Variants in PANK2 observed in about 807,000 individuals in gnomAD.
PANK2 encodes pantothenate kinase 2, mitochondrial.
In PANK2, 36 loss-of-function variants were observed where a neutral mutation model predicts 43.1. The observed-to-expected ratio is 0.84, with a 90% CI of 0.64 to 1.10. PANK2 has a LOEUF of 1.10. Among genes scored for constraint, PANK2 ranks in the 50% least tolerant of loss-of-function variants. The pLI is 0.00. For synonymous variants in PANK2, 281 were observed against 238.2 expected, an observed-to-expected ratio of 1.18 and a Z score of -1.66; for missense variants, 576 against 593.3, an observed-to-expected ratio of 0.97 and a Z score of 0.30.
chr20:3,910,499 T>G, intron 2 of PANK2, 78 bp from the exon 3 acceptor site: 3 of 1,501,408 alleles, frequency 2.0e-6, no homozygotes, highest in South Asian at 2.3e-5. Context: ...TTTCACGTAG[T>G]GGGGATGCCT....
intron 2 of PANK2, among the ~76,000 whole-genome samples, chr20:3,909,183 C>T (rs895659959): frequency 6.6e-6 from 1 of 152,174 alleles, no homozygotes; most frequent in Non-Finnish European, 1.5e-5. Context: ...CGGGTTCAAG[C>T]GATTCTCCTG....
chr20:3,902,893 C>T (rs1255434713), intron 1 of PANK2, among the ~76,000 whole-genome samples: 1 of 151,440 alleles, frequency 6.6e-6, no homozygotes, highest in Non-Finnish European at 1.5e-5. Context: ...ATAACAGCGT[C>T]TTTAATGTTG....
Position 3,894,143 on chromosome 20 carries a change from C to G in PANK2, c.298+4415C>G, listed in dbSNP as rs964044463. 3.3e-5 allele frequency among the ~76,000 whole-genome samples: 5 copies of G among 152,026 alleles called. 1 individual carries two copies. ...ATGGGATTTCACCATGTTGGTCAGG[C>G]TGGTCTTGAGCTCCTGACCTCAGGT... On this transcript the variant is annotated intron_variant, in intron 1 of 6. Coordinates refer to ENST00000610179, the MANE Select transcript of PANK2 (RefSeq NM_001386393.1).
chr20:3,895,282 T>TAAAC (rs780863966), intron 1 of PANK2, among the ~76,000 whole-genome samples: 1 of 148,068 alleles, frequency 6.8e-6, no homozygotes, highest in East Asian at 2.0e-4. Context: ...TCAAATAAAA[T>TAAAC]AAATAAATAA....
chr20:3,906,101 A>G (rs1461001842), intron 1 of PANK2, among the ~76,000 whole-genome samples: 1 of 152,114 alleles, frequency 6.6e-6, no homozygotes, highest in African/African-American at 2.4e-5. Flanking sequence ...TGTTTATGCT[A>G]CATTCCATAA....
chr20:3,903,219 A>G (rs910795907), intron 1 of PANK2, among the ~76,000 whole-genome samples: 4 of 149,776 alleles, frequency 2.7e-5, no homozygotes, highest in East Asian at 3.9e-4. Context: ...ATCTTGGCTC[A>G]TTGAAATTTA....
At chr20:3,892,341 A>C (rs1182918835) in intron 1 of PANK2, among the ~76,000 whole-genome samples, 3 of 11,702 alleles carry the variant, frequency 2.6e-4, no homozygotes, top group Non-Finnish European at 6.2e-4. Context: ...GAGACTCCTC[A>C]AAAAAAAAAC....
chr20:3,902,179 T>A (rs919158797), intron 1 of PANK2, among the ~76,000 whole-genome samples: 27 of 150,738 alleles, frequency 1.8e-4, no homozygotes, highest in Non-Finnish European at 3.1e-4. Flanking sequence ...TTTTTTTTTT[T>A]AGTTAGAGAC....
chr20:3,922,519 T>G (rs924476956), intron 6 of PANK2, among the ~76,000 whole-genome samples: 4 of 152,198 alleles, frequency 2.6e-5, no homozygotes, highest in Non-Finnish European at 5.9e-5. Context: ...TCACGTTACC[T>G]TTGGGTGGTG....
chr20:3,923,131 A>G, intron 6 of PANK2, 113 bp from the exon 7 acceptor site: 5 of 1,246,000 alleles, frequency 4.0e-6, no homozygotes, highest in Non-Finnish European at 5.9e-6. Flanking sequence ...GTGCTCAGGA[A>G]ATGGGTATGC....
intron 4 of PANK2, among the ~76,000 whole-genome samples, chr20:3,913,935 C>A (rs974093213): frequency 2.0e-5 from 3 of 150,790 alleles, no homozygotes; most frequent in Admixed American, 6.6e-5. Flanking sequence ...ACTACAGGTG[C>A]CTGCCACCAC....
At chr20:3,896,720 G>A in intron 1 of PANK2, among the ~76,000 whole-genome samples, 1 of 152,198 alleles carries the variant, frequency 6.6e-6, no homozygotes, top group South Asian at 2.1e-4. Flanking sequence ...AGAGCTTCTG[G>A]ATGGCCAAAC....
At chr20:3,892,949 G>A (rs775966525) in intron 1 of PANK2, among the ~76,000 whole-genome samples, 1 of 152,052 alleles carries the variant, frequency 6.6e-6, no homozygotes, top group Admixed American at 6.6e-5. Context: ...GGTGGGGAGG[G>A]GGGTATGTCT....
chr20:3,893,053 G>A (rs2090149605), intron 1 of PANK2, among the ~76,000 whole-genome samples: 1 of 152,124 alleles, frequency 6.6e-6, no homozygotes, highest in African/African-American at 2.4e-5. Context: ...TTTTCTGAGT[G>A]CTTATTTGTC....
chr20:3,910,295 G>T (rs1200491816), intron 2 of PANK2, among the ~76,000 whole-genome samples: 11 of 143,936 alleles, frequency 7.6e-5, no homozygotes, highest in South Asian at 4.4e-4. Flanking sequence ...AAATGCTGTG[G>T]TTTTTTTTTT....
upstream of PANK2, chr20:3,889,039 G>C (rs1163296251): frequency 4.3e-6 from 6 of 1,391,692 alleles, no homozygotes; most frequent in African/African-American, 1.4e-5. Context: ...GTCGCCCCAG[G>C]AGAGTTCCGC....
rs2090454168 is a variant in PANK2, at chr20:3,910,631, A to G, written c.706A>G (p.Ile236Val). The change falls in exon 3 of 7, where the codon ATT (isoleucine) becomes GTT (valine). Residue 236 changes from isoleucine to valine, a missense_variant. Physicochemically the swap from Ile to Val is conservative, Grantham distance 29 (BLOSUM62 3). Coordinates refer to ENST00000610179, the MANE Select transcript of PANK2 (RefSeq NM_001386393.1). ...TGAACTAGATTGCTTGATCAAAGGA[A>G]TTTTATACATTGACTCAGTCGGATT... 6.2e-7 allele frequency: 1 copy of G among 1,614,098 alleles called. No individual in the cohort carries two copies. The highest frequency in any genetic ancestry group is 8.5e-7 in the Non-Finnish European group (1 of 1,180,002).
At position 3,894,926 on chromosome 20, in the gene PANK2, G is replaced by A. The variant is rs1371352027; in HGVS notation, c.298+5198G>A. On this transcript the variant is annotated intron_variant, in intron 1 of 6. Coordinates refer to ENST00000610179, the MANE Select transcript of PANK2 (RefSeq NM_001386393.1). ...CAGTTGGATAATATGGTTGTTTAGT[G>A]TTGGTGTCCCTGCCTTCTATCTGGG... is the stretch of plus-strand genomic sequence containing the variant. Among the ~76,000 whole-genome samples, 3 of 152,198 alleles carry A rather than the reference G, an allele frequency of 2.0e-5. No homozygotes were observed. In the East Asian group the frequency reaches 5.8e-4, roughly 29 times the overall value.
intron 1 of PANK2, among the ~76,000 whole-genome samples, chr20:3,902,557 G>C (rs1247633185): frequency 1.3e-5 from 2 of 149,282 alleles, no homozygotes; most frequent in African/African-American, 2.5e-5. Flanking sequence ...AGGATTACAA[G>C]CATGAGCCAC....
Sources: gnomAD v4.1 joint callset for allele counts (sites outside exome capture counted in the v4.1 genomes callset) on GRCh38, gnomAD v4.1.1 for gene constraint, MANE v1.5 for transcripts, NCBI Gene and HGNC (gene_info 2026-07-23, HGNC 2026-07-21) for gene names.